NCOR2: variants seen among roughly 807,000 people sequenced by gnomAD.
The protein encoded by NCOR2 is nuclear receptor corepressor 2.
In NCOR2, 81 loss-of-function variants were observed where a neutral mutation model predicts 262.9. The ratio of observed to expected loss-of-function variants is 0.31; its 90% CI spans 0.26 to 0.37. The LOEUF is 0.37. NCOR2 is among the 10% of genes least tolerant of loss of function. NCOR2 has a pLI of 1.00. For synonymous variants in NCOR2, 1,659 were observed against 1,559.3 expected (o/e 1.06, Z -1.51); for missense variants, 3,385 against 3,621.4 (o/e 0.93, Z 1.68).
rs553946803 is a variant in NCOR2 at position 124,348,260 on chromosome 12, G to A, written c.3899C>T (p.Pro1300Leu). ...CTTGGGGGCGGCCGTCTCATGGGGG[G>A]GTCCTGAGCTGCTTCTGCCGTCCTC... The change falls in exon 29 of 47, where the codon CCC becomes CTC. Residue 1300 changes from proline (P) to leucine (L), a missense_variant. Pro to Leu is a moderately conservative substitution (Grantham distance 98, BLOSUM62 -3). Coordinates refer to ENST00000405201, the Ensembl canonical transcript of NCOR2. The A allele has an allele frequency of 6.2e-7, 1 of 1,613,206 alleles. No individual in the cohort carries two copies. Among genetic ancestry groups the A allele is most frequent in the South Asian group, 1.1e-5 (1 of 91,064 alleles).
intron 1 of NCOR2, among the ~76,000 whole-genome samples, chr12:124,563,962 T>G (rs2052152057): frequency 6.6e-6 from 1 of 152,270 alleles, no homozygotes; most frequent in Non-Finnish European, 1.5e-5. Context: ...CCAAGCTGTG[T>G]GACCTTGGGC....
exon 34 of NCOR2, chr12:124,341,961 T>A: frequency 6.2e-7 from 1 of 1,613,290 alleles, no homozygotes; most frequent in South Asian, 1.1e-5. Context: ...TTGATGATGG[T>A]CTGCCGGTTC....
At chr12:124,479,242 GCACACA>G (rs200244806) in intron 3 of NCOR2, among the ~76,000 whole-genome samples, 3 of 152,000 alleles carry the variant, frequency 2.0e-5, no homozygotes, top group Admixed American at 6.5e-5. Context: ...ACGTGCACAT[GCACACA>G]CACGCACACA....
rs746678779 is a variant in NCOR2 at position 124,337,155 on chromosome 12, G to A, written c.5713C>T (p.Arg1905Cys). The A allele has an allele frequency of 1.6e-5, 25 of 1,526,692 alleles. 1 individual carries two copies. The highest frequency in any genetic ancestry group is 1.7e-4 in the Middle Eastern group (1 of 5,860). The allele number at this position is 1,526,692 out of a possible 1,614,324, so 94.6% of individuals were successfully genotyped here. ...GCAGGTGGGAATGTGGCAGCCGGGC[G>A]AACGGGTGAGGAGGTGGAGGTGGAC... Residue 1905 changes from arginine to cysteine, a missense_variant, in exon 38 of 47, where the codon CGC becomes TGC. Coordinates refer to ENST00000405201, the Ensembl canonical transcript of NCOR2.
At chr12:124,345,966 G>A (rs967645341) in intron 31 of NCOR2, among the ~76,000 whole-genome samples, 8 of 152,174 alleles carry the variant, frequency 5.3e-5, no homozygotes, top group Admixed American at 6.5e-5. Context: ...CCATCGGCAC[G>A]GAACTTCCCC....
At chr12:124,329,671 G>C (rs1197431561) in intron 44 of NCOR2, among the ~76,000 whole-genome samples, 2 of 152,186 alleles carry the variant, frequency 1.3e-5, no homozygotes, top group Admixed American at 1.3e-4. Context: ...CTAAGCCTGG[G>C]AGGCGGAGGC....
At chr12:124,555,768 C>T (rs1040930244) in intron 1 of NCOR2, 2 of 152,180 alleles carry the variant, frequency 1.3e-5, no homozygotes, top group South Asian at 2.1e-4. Flanking sequence ...AGGAAGGATC[C>T]GTCTCGGGCC....
chr12:124,469,061 G>T (rs997036250), intron 4 of NCOR2, among the ~76,000 whole-genome samples: 6 of 150,608 alleles, frequency 4.0e-5, no homozygotes, highest in African/African-American at 1.5e-4. Flanking sequence ...GTTGGAAAGA[G>T]CATCCCATCA....
Position 124,517,669 on chromosome 12 carries a change from C to A in NCOR2, c.-118+17896G>T, listed in dbSNP as rs994640461. On this transcript the variant is annotated intron_variant, in intron 1 of 46. Coordinates refer to the NCOR2 transcript ENST00000404621. This position sits in a 1 kb window ranked among gnomAD's most constrained non-coding sequence, Gnocchi z 7.6. The stretch of plus-strand genomic sequence containing the variant: ...CCGGGAACAGAAGCCCCCTGAGCCC[C>A]CAAGGCTCGCCATGCTCCCCCCCAG... 1.3e-5 allele frequency among the ~76,000 whole-genome samples: 2 copies of A among 152,218 alleles called. No individual in the cohort carries two copies. Among genetic ancestry groups the A allele is most frequent in the African/African-American group, 4.8e-5 (2 of 41,464 alleles).
Position 124,372,703 on chromosome 12 carries a change from T to C in NCOR2, c.2219-93A>G, listed in dbSNP as rs117004646. 5.4e-3 allele frequency: 6,072 copies of C among 1,131,184 alleles called. 285 individuals carry two copies. In the East Asian group the frequency reaches 0.11, roughly 21 times the overall value. 70.1% of individuals were successfully genotyped at this position (1,131,184 alleles called of 1,614,324 possible). ...CCTGACCCTCCGGATGAGGCCGCTC[T>C]GTCGCCTGATGCCAAAACAGCCCCG... On this transcript the variant is annotated intron_variant, in intron 19 of 46. Coordinates refer to ENST00000405201, the Ensembl canonical transcript of NCOR2.
intron 1 of NCOR2, among the ~76,000 whole-genome samples, chr12:124,561,038 T>C (rs2052053045): frequency 6.6e-6 from 1 of 152,246 alleles, no homozygotes; most frequent in East Asian, 1.9e-4. Context: ...AGGTATCTGC[T>C]TGTGCAGACA....
chr12:124,357,905 G>A (rs1328219224), intron 22 of NCOR2, among the ~76,000 whole-genome samples: 3 of 150,704 alleles, frequency 2.0e-5, no homozygotes, highest in Non-Finnish European at 4.4e-5. Context: ...CCTGTGATAT[G>A]TGTGTGTGCG....
chr12:124,366,474 T>C (rs1309563955), intron 20 of NCOR2, among the ~76,000 whole-genome samples: 4 of 152,200 alleles, frequency 2.6e-5, no homozygotes, highest in African/African-American at 7.2e-5. Flanking sequence ...ATAGGGTTTC[T>C]TTCTTAGTAT....
intron 3 of NCOR2, among the ~76,000 whole-genome samples, chr12:124,477,664 G>A (rs2047178951): frequency 6.6e-6 from 1 of 152,232 alleles, no homozygotes; most frequent in African/African-American, 2.4e-5. Context: ...AACCCGGATT[G>A]CCAAGAGCGC....
At chr12:124,494,597 G>A (rs1245586734) in intron 1 of NCOR2, among the ~76,000 whole-genome samples, 2 of 152,144 alleles carry the variant, frequency 1.3e-5, no homozygotes, top group East Asian at 1.9e-4. Context: ...TGGCCACAGG[G>A]CGGGCTCCCC....
chr12:124,327,327 T>C (rs1314666171), intron 45 of NCOR2, 82 bp downstream of exon 47: 1 of 1,102,188 alleles, frequency 9.1e-7, no homozygotes, highest in Non-Finnish European at 1.3e-6. Context: ...AGGAGGGGGT[T>C]GTCAGAGGAG....
chr12:124,358,032 G>C (rs1384834314), intron 22 of NCOR2, among the ~76,000 whole-genome samples: 1 of 151,380 alleles, frequency 6.6e-6, no homozygotes, highest in East Asian at 2.0e-4. Context: ...ATGTGTGTGT[G>C]AGTGCATGGA....
chr12:124,463,883 G>A (rs949412849), intron 5 of NCOR2, among the ~76,000 whole-genome samples: 52 of 151,362 alleles, frequency 3.4e-4, no homozygotes, highest in African/African-American at 1.2e-3. Flanking sequence ...CTGGCCACCC[G>A]CCTCCATCTC....
intron 5 of NCOR2, among the ~76,000 whole-genome samples, chr12:124,458,830 C>T (rs998114697): frequency 2.6e-5 from 4 of 152,114 alleles, no homozygotes; most frequent in African/African-American, 7.2e-5. Context: ...AGACATCACC[C>T]GGAGAGTCAA....
Sources: allele counts gnomAD v4.1 joint callset (sites outside exome capture counted in the v4.1 genomes callset), GRCh38; gene constraint gnomAD v4.1.1; non-coding constraint Gnocchi (gnomAD v3.1); transcripts MANE v1.5; gene names NCBI Gene and HGNC (gene_info 2026-07-23, HGNC 2026-07-21).